WDPCP: variants seen among roughly 807,000 people sequenced by gnomAD.
The protein encoded by WDPCP is WD repeat-containing and planar cell polarity effector protein fritz homolog.
A neutral mutation model predicts 93.1 loss-of-function variants in WDPCP; 71 were observed. The ratio of observed to expected loss-of-function variants is 0.76; its 90% CI spans 0.63 to 0.93. WDPCP has a LOEUF of 0.93. Among genes scored for constraint, WDPCP ranks in the 40% least tolerant of loss-of-function variants. The pLI, the probability that WDPCP is intolerant of heterozygous loss-of-function variation, is 0.00. For synonymous variants in WDPCP, 315 were observed against 315.0 expected, an observed-to-expected ratio of 1.00 and a Z score of 0.00; for missense variants, 844 against 887.4, an observed-to-expected ratio of 0.95 and a Z score of 0.62.
chr2:63,793,221 A>G (rs1177110982), intron 2 of WDPCP, among the ~76,000 whole-genome samples: 5 of 152,150 alleles, frequency 3.3e-5, no homozygotes, highest in Non-Finnish European at 1.5e-5. Context: ...TCCTGGGCTC[A>G]AGTGATCCTC....
chr2:63,376,100 T>C (rs1691834780), intron 12 of WDPCP, among the ~76,000 whole-genome samples: 1 of 151,998 alleles, frequency 6.6e-6, no homozygotes, highest in South Asian at 2.1e-4. Flanking sequence ...GAGAACTTCT[T>C]GGTAGCACAT....
intron 1 of WDPCP, among the ~76,000 whole-genome samples, chr2:63,517,282 A>G (rs1702618164): frequency 6.6e-6 from 1 of 152,020 alleles, no homozygotes; most frequent in African/African-American, 2.4e-5. Context: ...TATTTTAAAT[A>G]TATGAATTAG....
At chr2:63,723,915 A>T (rs556954260) in intron 2 of WDPCP, among the ~76,000 whole-genome samples, 4 of 152,316 alleles carry the variant, frequency 2.6e-5, no homozygotes, top group Non-Finnish European at 5.9e-5. Flanking sequence ...AAAAATCTGT[A>T]CAGAGGGGCA....
At chr2:63,500,174 T>C (rs961876942) in intron 1 of WDPCP, among the ~76,000 whole-genome samples, 3 of 152,152 alleles carry the variant, frequency 2.0e-5, no homozygotes, top group African/African-American at 7.2e-5. Flanking sequence ...CAAGTTTTGT[T>C]AATAAGTTGA....
intron 6 of WDPCP, among the ~76,000 whole-genome samples, chr2:63,464,051 A>C (rs1435571125): frequency 6.6e-6 from 1 of 152,206 alleles, no homozygotes; most frequent in Non-Finnish European, 1.5e-5. Context: ...TTTAGGTATC[A>C]AAAGACACAA....
At chr2:63,500,579 A>G (rs1262950838) in intron 1 of WDPCP, among the ~76,000 whole-genome samples, 1 of 152,092 alleles carries the variant, frequency 6.6e-6, no homozygotes, top group African/African-American at 2.4e-5. Flanking sequence ...TATCAAGTAC[A>G]TAGAGGTTAA....
intron 14 of WDPCP, among the ~76,000 whole-genome samples, chr2:63,226,233 C>T (rs1678277271): frequency 6.6e-6 from 1 of 151,786 alleles, no homozygotes; most frequent in African/African-American, 2.4e-5. Flanking sequence ...AATGTGTAAA[C>T]TCTAACTAAA....
rs983955736 is a variant in WDPCP at position 63,684,844 on chromosome 2, T to C, written n.309-34006A>G. 22 of 311,042 alleles carry C rather than the reference T, an allele frequency of 7.1e-5. No homozygotes were observed. The South Asian group carries it at 7.4e-4, about 11-fold the overall frequency. The allele number at this position is 311,042 out of a possible 1,614,324, so 19.3% of individuals were successfully genotyped here. A position where few individuals can be genotyped will look rare whatever the true frequency, so the allele number is the denominator to read the frequency against. ...GAATTTTGGAAACTATACAATCACA[T>C]GGAAATTAAACAATGTGCTCCTGAA... is the stretch of plus-strand genomic sequence containing the variant. On this transcript the variant is annotated intron_variant and non_coding_transcript_variant, in intron 2 of 4. Coordinates refer to the WDPCP transcript ENST00000467687.
chr2:63,131,284 C>T (rs1207717133), intron 17 of WDPCP, among the ~76,000 whole-genome samples: 1 of 151,682 alleles, frequency 6.6e-6, no homozygotes, highest in Non-Finnish European at 1.5e-5. Context: ...TACTGCCCTC[C>T]CTTTGTAATC....
At chr2:63,227,811 T>C (rs1022083650) in intron 14 of WDPCP, among the ~76,000 whole-genome samples, 1 of 152,152 alleles carries the variant, frequency 6.6e-6, no homozygotes, top group Non-Finnish European at 1.5e-5. Flanking sequence ...TTGGTTCCTA[T>C]ATTCCCTAAC....
chr2:63,171,472 A>G (rs1016930022), intron 15 of WDPCP, among the ~76,000 whole-genome samples: 1 of 152,226 alleles, frequency 6.6e-6, no homozygotes, highest in African/African-American at 2.4e-5. Flanking sequence ...AATTAAAGCT[A>G]CAATTAGATA....
intron 12 of WDPCP, among the ~76,000 whole-genome samples, chr2:63,327,128 C>T (rs1687617766): frequency 6.6e-6 from 1 of 152,158 alleles, no homozygotes; most frequent in African/African-American, 2.4e-5. Flanking sequence ...GATGGTTCCT[C>T]CCAGGCGATT....
chr2:63,301,333 C>G (rs11675615), intron 13 of WDPCP, among the ~76,000 whole-genome samples: 1 of 152,158 alleles, frequency 6.6e-6, no homozygotes, highest in Non-Finnish European at 1.5e-5. Context: ...TTTAAGGTAC[C>G]TGTTCTGCCT....
chr2:63,594,305 G>A, intron 3 of WDPCP: 1 of 707,168 alleles, frequency 1.4e-6, no homozygotes, highest in Non-Finnish European at 2.6e-6. Flanking sequence ...CCTACATGGT[G>A]AGAGTTAAAT....
chr2:63,485,043 T>C (rs1700486551), intron 4 of WDPCP, 56 bp from the exon 5 acceptor site: 3 of 1,587,936 alleles, frequency 1.9e-6, no homozygotes, highest in Non-Finnish European at 2.6e-6. Flanking sequence ...AAGGAAATTC[T>C]GCTTAGCAGT....
At chr2:63,763,714 A>T (rs947746948) in intron 2 of WDPCP, among the ~76,000 whole-genome samples, 2 of 152,190 alleles carry the variant, frequency 1.3e-5, no homozygotes, top group African/African-American at 4.8e-5. Context: ...CCTAAAAAGG[A>T]TATATTCAGA....
At chr2:63,226,092 T>A (rs1255385766) in intron 14 of WDPCP, among the ~76,000 whole-genome samples, 1 of 151,912 alleles carries the variant, frequency 6.6e-6, no homozygotes, top group African/African-American at 2.4e-5. Context: ...CTACCCATAC[T>A]CTATGTTGAA....
At chr2:63,744,547 G>A (rs767873170) in intron 2 of WDPCP, among the ~76,000 whole-genome samples, 6 of 151,970 alleles carry the variant, frequency 3.9e-5, no homozygotes, top group Non-Finnish European at 8.8e-5. Context: ...GGAAAACAAC[G>A]TCTCTCATAT....
At position 63,121,803 on chromosome 2, in the gene WDPCP, C is replaced by T. The variant is rs1559134439; in HGVS notation, c.*203G>A. 1 of 1,303,840 alleles carries T rather than the reference C, an allele frequency of 7.7e-7. No homozygotes were observed. Among genetic ancestry groups the T allele is most frequent in the Non-Finnish European group, 1.0e-6 (1 of 1,000,828 alleles). The allele number at this position is 1,303,840 out of a possible 1,614,324, so 80.8% of individuals were successfully genotyped here. On this transcript the variant is annotated 3_prime_UTR_variant, in exon 18 of 18. Coordinates refer to ENST00000272321, the MANE Select transcript of WDPCP (RefSeq NM_015910.7). ...AAAATAAGTAGGTTGAAGACTTTTA[C>T]TTACGATCACTTTGCTGTTATGCTG... is the stretch of plus-strand genomic sequence containing the variant.
Sources: allele counts gnomAD v4.1 joint callset (sites outside exome capture counted in the v4.1 genomes callset), GRCh38; gene constraint gnomAD v4.1.1; transcripts MANE v1.5; gene names NCBI Gene and HGNC (gene_info 2026-07-23, HGNC 2026-07-21).